The following SCML2 variants were observed in gnomAD, a reference collection of about 807,000 sequenced individuals.
SCML2 encodes sex comb on midleg-like protein 2.
In SCML2, 6 loss-of-function variants were observed where a neutral mutation model predicts 48.4. The ratio of observed to expected loss-of-function variants is 0.12; its 90% CI spans 0.07 to 0.24. The LOEUF (loss-of-function observed/expected upper bound fraction) is 0.24. Ranked by LOEUF, SCML2 falls within the 10% of genes least tolerant of loss-of-function variation. The pLI, the probability that SCML2 is intolerant of heterozygous loss-of-function variation, is 1.00. For missense variants in SCML2, 377 were observed against 528.2 expected (o/e 0.71, Z 2.81); for synonymous variants, 181 against 189.5 (o/e 0.95, Z 0.37).
chrX:18,272,489 T>A (rs777492683), intron 7 of SCML2, among the ~76,000 whole-genome samples: 6 of 112,021 alleles, frequency 5.4e-5, no homozygotes, highest in Non-Finnish European at 1.1e-4. Flanking sequence ...GGGGTAGAGA[T>A]CACATGGACA....
chrX:18,323,448 C>G (rs763698224), intron 5 of SCML2, among the ~76,000 whole-genome samples: 2 of 111,785 alleles, frequency 1.8e-5, no homozygotes, highest in Admixed American at 9.5e-5. Context: ...TGGAATCATA[C>G]CCTTCCCCTA....
At chrX:18,276,305 A>G (rs1467938867) in intron 7 of SCML2, among the ~76,000 whole-genome samples, 65 of 110,669 alleles carry the variant, frequency 5.9e-4, no homozygotes, top group Non-Finnish European at 7.6e-4. Context: ...AGAAGAAAAA[A>G]AAAAAAAAAA....
rs185185821 is a variant in SCML2 at position 18,252,448 on chromosome X, G to A, written c.1456+4400C>T. The stretch of plus-strand genomic sequence containing the variant: ...GTGGTGAGGGGGAAAAGACATTGAG[G>A]GATGATAGTTAATAGGTATGGGATT... On this transcript the variant is annotated intron_variant, in intron 11 of 14. Coordinates refer to ENST00000251900, the MANE Select transcript of SCML2 (RefSeq NM_006089.3). Among the ~76,000 whole-genome samples, 13 of 112,146 alleles carry A rather than the reference G, an allele frequency of 1.2e-4. No homozygotes were observed. The East Asian group carries it at 3.7e-3, about 32-fold the overall frequency.
chrX:18,304,195 G>A lies in SCML2; in HGVS notation c.730+777C>T, dbSNP rs1275218346. 2.7e-5 allele frequency among the ~76,000 whole-genome samples: 3 copies of A among 110,994 alleles called. No individual in the cohort carries two copies. The Admixed American group carries it at 2.9e-4, about 11-fold the overall frequency. ...GCTAGGATTCCAGGCACACGCCACC[G>A]CGCCCGGCTAATTGAATCCCACTAA... On this transcript the variant is annotated intron_variant, in intron 7 of 14. Coordinates refer to ENST00000251900, the MANE Select transcript of SCML2 (RefSeq NM_006089.3).
chrX:18,264,828 C>A (rs1927202701), intron 8 of SCML2, among the ~76,000 whole-genome samples: 1 of 111,539 alleles, frequency 9.0e-6, no homozygotes, highest in South Asian at 3.7e-4. Flanking sequence ...GTGTATTAGA[C>A]AAACATGCTC....
chrX:18,353,441 A>G (rs771075324), intron 1 of SCML2, among the ~76,000 whole-genome samples: 76 of 112,123 alleles, frequency 6.8e-4, no homozygotes, highest in African/African-American at 2.0e-3. Flanking sequence ...TTAGGGAAAA[A>G]AACAACTATC....
intron 7 of SCML2, among the ~76,000 whole-genome samples, chrX:18,274,328 G>T (rs1927558728): frequency 8.9e-6 from 1 of 111,789 alleles, no homozygotes; most frequent in East Asian, 2.8e-4. Flanking sequence ...AATGTAGCAG[G>T]TCCAAGTGAG....
At chrX:18,310,891 A>G (rs1267724179) in intron 6 of SCML2, among the ~76,000 whole-genome samples, 1 of 111,686 alleles carries the variant, frequency 9.0e-6, no homozygotes, top group Non-Finnish European at 1.9e-5. Flanking sequence ...TTGTAGCCTC[A>G]TGGTTCACTG....
At chrX:18,345,484 C>T (rs990360838) in intron 1 of SCML2, among the ~76,000 whole-genome samples, 3 of 109,625 alleles carry the variant, frequency 2.7e-5, no homozygotes, top group Non-Finnish European at 5.7e-5. Flanking sequence ...TCAACCTCCC[C>T]GGGCTCAGGT....
chrX:18,250,265 T>A (rs1227968881), intron 11 of SCML2, among the ~76,000 whole-genome samples: 1 of 112,036 alleles, frequency 8.9e-6, no homozygotes, highest in Non-Finnish European at 1.9e-5. Flanking sequence ...CATGCTGGAG[T>A]GCAATGGCAT....
At chrX:18,345,149 T>C (rs1482635397) in intron 1 of SCML2, among the ~76,000 whole-genome samples, 6 of 111,941 alleles carry the variant, frequency 5.4e-5, no homozygotes, top group African/African-American at 1.9e-4. Context: ...GGTTCATGAA[T>C]GCTTAACCAT....
rs914863210 is a variant in SCML2 at position 18,240,571 on chromosome X, AAT to A, written c.*678_*679del. 9.8e-5 allele frequency: 11 copies of A among 112,493 alleles called. No individual in the cohort carries two copies. Among genetic ancestry groups the A allele is most frequent in the African/African-American group, 3.5e-4 (11 of 31,047 alleles). The allele number at this position is 112,493 out of a possible 1,213,427, so 9.3% of individuals were successfully genotyped here. ...GCATAAAATGACAATTCTATCCTAT[AAT>A]TTAAAAAATTTATCAAAAACTGGTA... On this transcript the variant is annotated 3_prime_UTR_variant, in exon 15 of 15. Coordinates refer to ENST00000251900, the MANE Select transcript of SCML2 (RefSeq NM_006089.3).
chrX:18,320,800 G>C (rs16980774), intron 5 of SCML2, among the ~76,000 whole-genome samples: 23,068 of 110,381 alleles, frequency 0.21, 1,860 homozygotes, highest in Middle Eastern at 0.31. Context: ...TTTTCCTCAG[G>C]GCCCCAGGCT....
chrX:18,247,734 T>C (rs758759315), intron 12 of SCML2, 35 bp downstream of exon 12: 1 of 996,175 alleles, frequency 1.0e-6, no homozygotes, highest in Admixed American at 2.3e-5. Context: ...GAGAAACATT[T>C]CTTCCCAGTC....
intron 11 of SCML2, among the ~76,000 whole-genome samples, chrX:18,249,885 CTGG>C (rs1396573530): frequency 9.0e-6 from 1 of 110,982 alleles, no homozygotes; most frequent in African/African-American, 3.3e-5. Flanking sequence ...GGGAGATACA[CTGG>C]TTCCAGGCAT....
chrX:18,302,449 T>C (rs1425187874), intron 7 of SCML2, among the ~76,000 whole-genome samples: 1 of 111,342 alleles, frequency 9.0e-6, no homozygotes, highest in Non-Finnish European at 1.9e-5. Flanking sequence ...CTTCAAACCA[T>C]GTGCACTGGA....
intron 3 of SCML2, among the ~76,000 whole-genome samples, chrX:18,329,709 T>C (rs1417097329): frequency 1.8e-5 from 2 of 112,472 alleles, no homozygotes; most frequent in African/African-American, 6.5e-5. Flanking sequence ...TTATATTAGG[T>C]GCTTTAAATT....
At chrX:18,294,358 C>T (rs1275714700) in intron 7 of SCML2, among the ~76,000 whole-genome samples, 1 of 111,014 alleles carries the variant, frequency 9.0e-6, no homozygotes. Flanking sequence ...GCTGAGAGCC[C>T]GAAGAGGCTC....
chrX:18,280,081 T>A (rs1476868088), intron 7 of SCML2, among the ~76,000 whole-genome samples: 1 of 111,431 alleles, frequency 9.0e-6, no homozygotes, highest in Non-Finnish European at 1.9e-5. Flanking sequence ...CCAAGGTCAA[T>A]GCAAAAGAAA....
Sources: allele counts gnomAD v4.1 joint callset (sites outside exome capture counted in the v4.1 genomes callset), GRCh38; gene constraint gnomAD v4.1.1; transcripts MANE v1.5; gene names NCBI Gene and HGNC (gene_info 2026-07-23, HGNC 2026-07-21).